Variants in MCF2 observed in about 807,000 individuals in gnomAD.
The protein encoded by MCF2 is MCF.2 cell line derived transforming sequence.
MCF2 carries 44 observed loss-of-function variants against 82.5 expected under a neutral mutation model. That is an observed-to-expected ratio of 0.53 (90% confidence interval 0.42 to 0.69). The LOEUF (loss-of-function observed/expected upper bound fraction) is 0.69. Ranked by LOEUF, MCF2 falls within the 30% of genes least tolerant of loss-of-function variation. The pLI is 0.00. For missense variants in MCF2, 623 were observed against 663.1 expected, an observed-to-expected ratio of 0.94 and a Z score of 0.66; for synonymous variants, 217 against 224.9, an observed-to-expected ratio of 0.96 and a Z score of 0.32.
intron 1 of MCF2, among the ~76,000 whole-genome samples, chrX:139,688,170 GT>G (rs1321791085): frequency 8.9e-6 from 1 of 111,843 alleles, no homozygotes; most frequent in Non-Finnish European, 1.9e-5. Flanking sequence ...TCCCCATTTA[GT>G]ATAGGGACAA....
exon 20 of MCF2, chrX:139,589,849 C>A (rs751087825): frequency 1.7e-6 from 2 of 1,191,940 alleles, no homozygotes; most frequent in Non-Finnish European, 2.3e-6. Flanking sequence ...ACAATATAAA[C>A]TTCTTCCTTT....
At chrX:139,692,031 G>A (rs1305996859) in intron 1 of MCF2, 1 of 1,165,960 alleles carries the variant, frequency 8.6e-7, no homozygotes, top group South Asian at 1.9e-5. Flanking sequence ...CTGGGCTATC[G>A]GCATGAAAGT....
At chrX:139,692,436 C>G (rs1056959051) in intron 1 of MCF2, among the ~76,000 whole-genome samples, 1 of 111,388 alleles carries the variant, frequency 9.0e-6, no homozygotes, top group Non-Finnish European at 1.9e-5. Flanking sequence ...GCGCTCTGGC[C>G]CCCGCCGCTG....
chrX:139,656,848 G>A (rs1934215128), intron 1 of MCF2, among the ~76,000 whole-genome samples: 1 of 112,101 alleles, frequency 8.9e-6, no homozygotes, highest in African/African-American at 3.2e-5. Flanking sequence ...CTTAGAGCAT[G>A]AGAAATAAAA....
At chrX:139,700,547 C>T in intron 1 of MCF2, among the ~76,000 whole-genome samples, 1 of 112,085 alleles carries the variant, frequency 8.9e-6, no homozygotes, top group East Asian at 2.8e-4. Context: ...TCAGACCAAG[C>T]CATGGATCCA....
chrX:139,588,683 G>T (rs57930210), intron 20 of MCF2, among the ~76,000 whole-genome samples: 2,582 of 109,823 alleles, frequency 0.024, 91 homozygotes, highest in African/African-American at 0.08. Flanking sequence ...GGCCAAGGTG[G>T]GCAGATCTCT....
Position 139,602,357 on chromosome X carries a change from G to A in MCF2, c.1836+49C>T, listed in dbSNP as rs6635894. On this transcript the variant is annotated intron_variant, in intron 16 of 24. Transcript: ENST00000370576. ...AATGAATTTATAATTAAGAAATACC[G>A]CAATATCTTCCAGAAAGAATATATC... is the stretch of plus-strand genomic sequence containing the variant. 102 of 911,588 alleles carry A rather than the reference G, an allele frequency of 1.1e-4. 1 individual carries two copies. Among genetic ancestry groups the A allele is most frequent in the African/African-American group, 5.4e-4 (27 of 50,456 alleles). The allele number at this position is 911,588 out of a possible 1,213,427, so 75.1% of individuals were successfully genotyped here. A position where few individuals can be genotyped will look rare whatever the true frequency, so the allele number is the denominator to read the frequency against.
intron 1 of MCF2, among the ~76,000 whole-genome samples, chrX:139,640,396 C>G (rs1015633883): frequency 9.0e-6 from 1 of 111,448 alleles, no homozygotes; most frequent in South Asian, 3.8e-4. Flanking sequence ...CTCTTCCCCC[C>G]ATATCCCCAC....
intron 12 of MCF2, 115 bp downstream of exon 16, chrX:139,607,576 C>A: frequency 2.3e-6 from 1 of 427,977 alleles, no homozygotes. Flanking sequence ...ACTTCTGACA[C>A]CCAGTAAAAC....
At chrX:139,672,409 G>T (rs12849796) in intron 1 of MCF2, among the ~76,000 whole-genome samples, 7 of 112,612 alleles carry the variant, frequency 6.2e-5, no homozygotes, top group Non-Finnish European at 9.4e-5. Context: ...CAAAGGAAAT[G>T]CTTCCAGTTT....
At chrX:139,669,476 TAG>T (rs780262780) in intron 1 of MCF2, among the ~76,000 whole-genome samples, 17 of 112,589 alleles carry the variant, frequency 1.5e-4, no homozygotes, top group Non-Finnish European at 3.2e-4. Context: ...CCCTACGGAA[TAG>T]AGTTTTGCAA....
At chrX:139,671,910 G>A (rs1001670239) in intron 1 of MCF2, among the ~76,000 whole-genome samples, 9 of 111,538 alleles carry the variant, frequency 8.1e-5, no homozygotes, top group African/African-American at 2.9e-4. Context: ...TGGGCAGTAT[G>A]GCCATTTTCG....
intron 1 of MCF2, among the ~76,000 whole-genome samples, chrX:139,639,518 G>A (rs1933438482): frequency 9.0e-6 from 1 of 110,964 alleles, no homozygotes; most frequent in Non-Finnish European, 1.9e-5. Context: ...AAGGTAACGA[G>A]CACAAAATAA....
chrX:139,642,682 G>GAAA (rs200847661), exon 1 of MCF2: 5 of 953,760 alleles, frequency 5.2e-6, no homozygotes, highest in South Asian at 2.6e-5. Context: ...TGCTGGGGAG[G>GAAA]AAAAAAAAAA....
At chrX:139,594,983 C>T (rs1431147790) in intron 19 of MCF2, among the ~76,000 whole-genome samples, 9 of 110,753 alleles carry the variant, frequency 8.1e-5, no homozygotes, top group Non-Finnish European at 1.3e-4. Flanking sequence ...AAAATGCTCA[C>T]CATCACTGGC....
At chrX:139,614,816 A>T in intron 10 of MCF2, 65 bp downstream of exon 13, 1 of 994,038 alleles carries the variant, frequency 1.0e-6, no homozygotes, top group Non-Finnish European at 1.4e-6. Flanking sequence ...CTCAGTATTT[A>T]CATCAAGAGT....
At chrX:139,679,988 C>G (rs1032296254) in intron 1 of MCF2, among the ~76,000 whole-genome samples, 1 of 111,904 alleles carries the variant, frequency 8.9e-6, no homozygotes, top group Non-Finnish European at 1.9e-5. Flanking sequence ...GGAAGCCATT[C>G]ATTTCTGTAA....
At chrX:139,614,961 T>G in exon 10 of MCF2, 2 of 1,209,744 alleles carry the variant, frequency 1.7e-6, no homozygotes, top group Non-Finnish European at 2.2e-6. Flanking sequence ...TGGCCTCACA[T>G]GCTTATCTGC....
At chrX:139,674,693 C>T (rs1934812664) in intron 1 of MCF2, among the ~76,000 whole-genome samples, 2 of 112,153 alleles carry the variant, frequency 1.8e-5, no homozygotes, top group South Asian at 7.5e-4. Context: ...GAGAGATCTG[C>T]TATTACTCTG....
Sources: allele counts gnomAD v4.1 joint callset (sites outside exome capture counted in the v4.1 genomes callset), GRCh38; gene constraint gnomAD v4.1.1; transcripts MANE v1.5; gene names NCBI Gene and HGNC (gene_info 2026-07-23, HGNC 2026-07-21).